The following TRMT11 variants were observed in gnomAD, a reference collection of about 807,000 sequenced individuals.
TRMT11 encodes the protein tRNA (guanine(10)-N(2))-methyltransferase TRMT11.
Under a neutral mutation model 62.8 loss-of-function variants are expected in TRMT11, and 53 were observed. That is an observed-to-expected ratio of 0.84 (90% CI 0.68 to 1.06). The LOEUF (loss-of-function observed/expected upper bound fraction) is 1.06. TRMT11 is among the 50% of genes least tolerant of loss of function. TRMT11 has a pLI of 0.00. For missense variants in TRMT11, 556 were observed against 553.4 expected (o/e 1.00, Z -0.05); for synonymous variants, 188 against 190.3 (o/e 0.99, Z 0.10).
At chr6:126,207,515 C>G (rs1346299075), downstream of TRMT11, among the ~76,000 whole-genome samples, 1 of 152,170 alleles carries the variant, frequency 6.6e-6, no homozygotes, top group African/African-American at 2.4e-5. Flanking sequence ...TTTCCCAGCT[C>G]TTAGTAGCCA....
intron 17 of TRMT11, among the ~76,000 whole-genome samples, chr6:126,112,086 G>A (rs1777538695): frequency 6.6e-6 from 1 of 152,092 alleles, no homozygotes; most frequent in Non-Finnish European, 1.5e-5. Flanking sequence ...TCCAGAATAA[G>A]AAGCCCAAAC....
At chr6:126,055,478 C>G (rs1391383858) in intron 17 of TRMT11, among the ~76,000 whole-genome samples, 1 of 152,222 alleles carries the variant, frequency 6.6e-6, no homozygotes, top group Non-Finnish European at 1.5e-5. Context: ...CAGTTGTACA[C>G]AGTTCTTGGT....
chr6:126,187,811 C>T (rs898629848), intron 1 of TRMT11, among the ~76,000 whole-genome samples: 2 of 151,568 alleles, frequency 1.3e-5, no homozygotes, highest in Admixed American at 6.6e-5. Context: ...CAGAAATAGA[C>T]TCATGTATAT....
At chr6:125,986,832 T>G in intron 1 of TRMT11, 1 of 553,668 alleles carries the variant, frequency 1.8e-6, no homozygotes, top group South Asian at 2.4e-5. Flanking sequence ...TCGGCCTGCT[T>G]AAACTTTTCA....
At chr6:126,048,879 A>G (rs989419188) in intron 16 of TRMT11, among the ~76,000 whole-genome samples, 1 of 152,130 alleles carries the variant, frequency 6.6e-6, no homozygotes, top group Non-Finnish European at 1.5e-5. Context: ...ACACTTTCTC[A>G]GGTTACAGGC....
intron 6 of TRMT11, 25 bp from the exon 7 acceptor site, chr6:125,999,432 A>G (rs1792119167): frequency 6.4e-7 from 1 of 1,568,510 alleles, no homozygotes; most frequent in African/African-American, 1.4e-5. Flanking sequence ...TGGCTATACT[A>G]ACATAAGAAA....
chr6:126,127,770 C>T (rs1777735750), intron 21 of TRMT11, among the ~76,000 whole-genome samples: 1 of 151,366 alleles, frequency 6.6e-6, no homozygotes, highest in African/African-American at 2.4e-5. Flanking sequence ...TGAACGCGCC[C>T]GATCTCGTCC....
chr6:126,085,538 C>G (rs1262680399), intron 17 of TRMT11, among the ~76,000 whole-genome samples: 1 of 152,188 alleles, frequency 6.6e-6, no homozygotes, highest in Non-Finnish European at 1.5e-5. Context: ...ATTGTTTCCT[C>G]CGGCCCTGAT....
rs781447435 is a variant in TRMT11 at position 126,011,227 on chromosome 6, C to T, written c.761-26C>T. On this transcript the variant is annotated intron_variant, in intron 8 of 12. Coordinates refer to ENST00000334379, the MANE Select transcript of TRMT11 (RefSeq NM_001031712.3). Reference sequence around the variant, plus strand: ...ATAAGAATACTCTGTTTAATACTTTCTCTCTTCCTTTTTCTTTCCCTTCAG... The same window carrying T: ...ATAAGAATACTCTGTTTAATACTTTTTCTCTTCCTTTTTCTTTCCCTTCAG... The T allele has an allele frequency of 2.5e-6, 4 of 1,590,754 alleles. No homozygotes were observed. In the Admixed American group the frequency reaches 7.0e-5, roughly 28 times the overall value.
rs142685524 is a variant in TRMT11, at chr6:126,021,214, C to T, written c.1194C>T (p.Cys398=). ...CTTGCCTGGAACTCGTTAGCAACTG[C>T]GAGCAGAAGCTTTCCAGTCACACAT... The part of the protein sequence containing the change: ...WHPCLELVSN[C]EQKLSSHTSR... The change falls in exon 12 of 13, where the codon TGC becomes TGT. Residue 398 remains cysteine (C), a synonymous_variant. Coordinates refer to ENST00000334379, the MANE Select transcript of TRMT11 (RefSeq NM_001031712.3). The T allele has an allele frequency of 2.5e-3, 3,958 of 1,614,100 alleles. 121 individuals carry two copies. The Admixed American group carries it at 0.054, about 22-fold the overall frequency.
chr6:126,095,157 G>A (rs1777326513), intron 17 of TRMT11, among the ~76,000 whole-genome samples: 1 of 152,292 alleles, frequency 6.6e-6, no homozygotes, highest in African/African-American at 2.4e-5. Context: ...TGAGATGGCT[G>A]GATACCAGGA....
intron 7 of TRMT11, among the ~76,000 whole-genome samples, chr6:126,000,189 A>G (rs1412463408): frequency 2.6e-5 from 4 of 152,068 alleles, no homozygotes; most frequent in Middle Eastern, 3.2e-3. Context: ...TGATTGGGAT[A>G]ATTTTTTATG....
chr6:126,241,787 A>T, the TRMT11 span, among the ~76,000 whole-genome samples: 3 of 152,246 alleles, frequency 2.0e-5, no homozygotes, highest in Non-Finnish European at 2.9e-5. Context: ...TATTGTTGGG[A>T]CATATCTCAA....
chr6:126,171,485 G>A (rs553478091), intron 21 of TRMT11, among the ~76,000 whole-genome samples: 2 of 152,066 alleles, frequency 1.3e-5, no homozygotes, highest in African/African-American at 4.8e-5. Context: ...TGAACATTAG[G>A]TTCTAATTTA....
At chr6:126,262,007 A>C in the TRMT11 span, among the ~76,000 whole-genome samples, 2 of 152,170 alleles carry the variant, frequency 1.3e-5, no homozygotes, top group Admixed American at 6.5e-5. Flanking sequence ...GAGTACAGCG[A>C]GGTGGGAAGT....
chr6:126,062,573 A>G (rs1331603329), intron 17 of TRMT11, among the ~76,000 whole-genome samples: 2 of 152,210 alleles, frequency 1.3e-5, no homozygotes, highest in Non-Finnish European at 2.9e-5. Context: ...AGAACATTCA[A>G]GTGGGTTGAA....
At chr6:126,115,201 C>T (rs767692775) in intron 19 of TRMT11, among the ~76,000 whole-genome samples, 3 of 152,066 alleles carry the variant, frequency 2.0e-5, no homozygotes, top group Non-Finnish European at 2.9e-5. Flanking sequence ...GGGCTTCCTC[C>T]CCTATACTTC....
chr6:126,093,942 AG>A (rs551620543), intron 17 of TRMT11, among the ~76,000 whole-genome samples: 10 of 152,132 alleles, frequency 6.6e-5, no homozygotes, highest in Non-Finnish European at 1.2e-4. Context: ...ACTCAGCTTC[AG>A]AGCTTTTCCA....
chr6:126,091,201 CTCAAAA>C (rs1777272273), intron 17 of TRMT11, among the ~76,000 whole-genome samples: 1 of 62,972 alleles, frequency 1.6e-5, no homozygotes, highest in African/African-American at 1.2e-4. Context: ...GAGACTCCAT[CTCAAAA>C]AAAAAAAAAA....
Sources: allele counts gnomAD v4.1 joint callset (sites outside exome capture counted in the v4.1 genomes callset), GRCh38; gene constraint gnomAD v4.1.1; transcripts MANE v1.5; gene names NCBI Gene and HGNC (gene_info 2026-07-23, HGNC 2026-07-21).